The following CNTNAP2 variants were observed in gnomAD, a reference collection of about 807,000 sequenced individuals.
CNTNAP2 encodes contactin-associated protein-like 2.
Under a neutral mutation model 155.2 loss-of-function variants are expected in CNTNAP2, and 98 were observed. That is an observed-to-expected ratio of 0.63 (90% CI 0.54 to 0.75). The LOEUF is 0.75. CNTNAP2 is among the 30% of genes least tolerant of loss of function. The pLI, the probability that CNTNAP2 is intolerant of heterozygous loss-of-function variation, is 0.00. For missense variants in CNTNAP2, 1,727 were observed against 1,688.1 expected (o/e 1.02, Z -0.40); for synonymous variants, 651 against 631.2 (o/e 1.03, Z -0.47).
At chr7:148,393,488 G>C (rs1289931097) in intron 22 of CNTNAP2, among the ~76,000 whole-genome samples, 1 of 152,084 alleles carries the variant, frequency 6.6e-6, no homozygotes, top group Non-Finnish European at 1.5e-5. Context: ...TATGGTATTA[G>C]TCTTACCTAT....
At chr7:147,235,345 G>GGGGTGT (rs374435627) in intron 8 of CNTNAP2, among the ~76,000 whole-genome samples, 7 of 140,882 alleles carry the variant, frequency 5.0e-5, no homozygotes, top group South Asian at 2.4e-4. Context: ...TGGAGTTTTT[G>GGGGTGT]GTGTGTGTGT....
At chr7:148,291,026 T>C (rs929890528) in intron 21 of CNTNAP2, among the ~76,000 whole-genome samples, 4 of 152,182 alleles carry the variant, frequency 2.6e-5, no homozygotes, top group African/African-American at 7.2e-5. Flanking sequence ...TTTCACAAAA[T>C]TGACCGGCGC....
chr7:146,815,939 G>A (rs375672516), intron 2 of CNTNAP2, among the ~76,000 whole-genome samples: 2 of 152,082 alleles, frequency 1.3e-5, no homozygotes, highest in African/African-American at 4.8e-5. Context: ...GCCCTGATGT[G>A]CATGATGATC....
chr7:147,120,018 T>C (rs1801070668), intron 5 of CNTNAP2, among the ~76,000 whole-genome samples: 1 of 152,208 alleles, frequency 6.6e-6, no homozygotes, highest in Admixed American at 6.5e-5. Context: ...ATTTATAGTT[T>C]TGTTGCTATG....
At chr7:146,629,855 GTGA>G (rs1375816290) in intron 1 of CNTNAP2, among the ~76,000 whole-genome samples, 2 of 152,078 alleles carry the variant, frequency 1.3e-5, no homozygotes, top group East Asian at 3.9e-4. Context: ...AGGGAATACG[GTGA>G]TGATGAGTTC....
chr7:146,898,129 T>C (rs983306026), intron 3 of CNTNAP2, among the ~76,000 whole-genome samples: 8 of 152,066 alleles, frequency 5.3e-5, no homozygotes, highest in South Asian at 2.1e-4. Context: ...AAAATTGATA[T>C]GCAAAGTTAA....
At chr7:146,162,505 C>T (rs1798239863) in intron 1 of CNTNAP2, among the ~76,000 whole-genome samples, 1 of 152,156 alleles carries the variant, frequency 6.6e-6, no homozygotes, top group South Asian at 2.1e-4. Flanking sequence ...AGTCAGGAAA[C>T]AACAGGTGCT....
chr7:147,918,151 C>T (rs952056480), intron 14 of CNTNAP2, among the ~76,000 whole-genome samples: 3 of 152,088 alleles, frequency 2.0e-5, no homozygotes, highest in Non-Finnish European at 4.4e-5. Flanking sequence ...CAATTAGATG[C>T]CTGGGTATCT....
intron 1 of CNTNAP2, among the ~76,000 whole-genome samples, chr7:146,277,222 T>C (rs1157216943): frequency 6.6e-6 from 1 of 152,176 alleles, no homozygotes; most frequent in African/African-American, 2.4e-5. Context: ...AGTGTGGTCC[T>C]GCCGACACCT....
At chr7:146,623,197 A>G (rs754797902) in intron 1 of CNTNAP2, among the ~76,000 whole-genome samples, 19 of 152,140 alleles carry the variant, frequency 1.2e-4, no homozygotes, top group Non-Finnish European at 2.4e-4. Flanking sequence ...CTGCCACCAC[A>G]TAAGTGAGGT....
chr7:146,639,790 C>G (rs1424984706), intron 1 of CNTNAP2, among the ~76,000 whole-genome samples: 2 of 152,184 alleles, frequency 1.3e-5, no homozygotes, highest in African/African-American at 4.8e-5. Context: ...CAATTATTAT[C>G]ACAGTTTTAG....
intron 3 of CNTNAP2, among the ~76,000 whole-genome samples, chr7:146,841,904 C>T (rs1247744901): frequency 8.2e-5 from 12 of 146,340 alleles, no homozygotes; most frequent in Admixed American, 1.4e-4. Context: ...TTTTTTGAGA[C>T]GGAATTTTGC....
At chr7:146,345,346 T>G (rs567381595) in intron 1 of CNTNAP2, among the ~76,000 whole-genome samples, 132 of 152,288 alleles carry the variant, frequency 8.7e-4, no homozygotes, top group African/African-American at 3.2e-3. Context: ...ACAAAGAGAT[T>G]GTTCTTAAAG....
intron 21 of CNTNAP2, among the ~76,000 whole-genome samples, chr7:148,351,921 A>G (rs1258498037): frequency 6.6e-6 from 1 of 152,000 alleles, no homozygotes; most frequent in Non-Finnish European, 1.5e-5. Context: ...TGTGACCCCT[A>G]CCTCATGGTC....
chr7:147,122,070 G>A (rs962542483), intron 6 of CNTNAP2: 9 of 152,184 alleles, frequency 5.9e-5, no homozygotes, highest in African/African-American at 1.7e-4. Flanking sequence ...CAGCTACTCA[G>A]GAGGCTGAGG....
At chr7:148,189,704 T>C (rs1406449500) in intron 18 of CNTNAP2, among the ~76,000 whole-genome samples, 3 of 152,198 alleles carry the variant, frequency 2.0e-5, no homozygotes, top group African/African-American at 7.2e-5. Flanking sequence ...CGGTATTCTA[T>C]TATAGCAGCA....
At chr7:146,799,727 C>G (rs1054011022) in intron 2 of CNTNAP2, among the ~76,000 whole-genome samples, 1 of 152,138 alleles carries the variant, frequency 6.6e-6, no homozygotes. Flanking sequence ...AGCCTAATAC[C>G]TAAGTCTGAA....
intron 12 of CNTNAP2, among the ~76,000 whole-genome samples, chr7:147,616,233 T>C (rs762898000): frequency 6.6e-6 from 1 of 152,162 alleles, no homozygotes; most frequent in Non-Finnish European, 1.5e-5. Flanking sequence ...TAAGTGACCA[T>C]CTCCCATTAG....
At chr7:147,743,210 C>A (rs1048114385) in intron 13 of CNTNAP2, among the ~76,000 whole-genome samples, 10 of 152,096 alleles carry the variant, frequency 6.6e-5, no homozygotes, top group Admixed American at 6.5e-4. Flanking sequence ...TGGTCATATG[C>A]GATGTCCACT....
Sources: gnomAD v4.1 joint callset for allele counts (sites outside exome capture counted in the v4.1 genomes callset) on GRCh38, gnomAD v4.1.1 for gene constraint, MANE v1.5 for transcripts, NCBI Gene and HGNC (gene_info 2026-07-23, HGNC 2026-07-21) for gene names.